SLC37A1: variants seen among roughly 807,000 people sequenced by gnomAD.
SLC37A1 encodes glucose-6-phosphate exchanger SLC37A1.
Under a neutral mutation model 75.3 loss-of-function variants are expected in SLC37A1, and 49 were observed. The ratio of observed to expected loss-of-function variants is 0.65; its 90% CI spans 0.52 to 0.83. The LOEUF is 0.83. Ranked by LOEUF, SLC37A1 falls within the 40% of genes least tolerant of loss-of-function variation. SLC37A1 has a pLI of 0.00. For synonymous variants in SLC37A1, 268 were observed against 292.1 expected (o/e 0.92, Z 0.84); for missense variants, 566 against 695.0 (o/e 0.81, Z 2.09).
intron 8 of SLC37A1, among the ~76,000 whole-genome samples, chr21:42,544,182 T>A (rs1319123872): frequency 6.6e-6 from 1 of 152,222 alleles, no homozygotes; most frequent in Non-Finnish European, 1.5e-5. Flanking sequence ...AGAATAGAGA[T>A]GCCCGGGTGG....
chr21:42,561,231 G>A (rs1220190421), intron 11 of SLC37A1, among the ~76,000 whole-genome samples: 3 of 152,230 alleles, frequency 2.0e-5, no homozygotes, highest in Non-Finnish European at 4.4e-5. Flanking sequence ...GGGGGATTCA[G>A]TGCCACAATG....
At chr21:42,559,134 C>T (rs1398925578) in intron 11 of SLC37A1, 45 bp downstream of exon 11, 2 of 1,585,118 alleles carry the variant, frequency 1.3e-6, no homozygotes, top group Non-Finnish European at 1.7e-6. Context: ...GGCTGCTGTG[C>T]TGGCTGTGGG....
At chr21:42,519,957 AGTGTGTTTGTGTGTGT>A (rs1006825510) in intron 2 of SLC37A1, among the ~76,000 whole-genome samples, 50 of 106,334 alleles carry the variant, frequency 4.7e-4, no homozygotes, top group African/African-American at 2.4e-3. Context: ...GCCCCTCCAC[AGTGTGTTTGTGTGTGT>A]GTGTGTGTGT....
chr21:42,562,858 G>A (rs144857282), intron 12 of SLC37A1, among the ~76,000 whole-genome samples: 83 of 152,258 alleles, frequency 5.5e-4, no homozygotes, highest in African/African-American at 1.7e-3. Flanking sequence ...GAAGACACAC[G>A]CTGGGCCGTC....
chr21:42,519,292 G>A (rs1167085697), intron 2 of SLC37A1, among the ~76,000 whole-genome samples: 4 of 152,228 alleles, frequency 2.6e-5, no homozygotes, highest in Non-Finnish European at 5.9e-5. Context: ...GGGAAGGGGA[G>A]TGAGAGAAAG....
chr21:42,540,398 A>G (rs1415578731), intron 6 of SLC37A1, among the ~76,000 whole-genome samples: 2 of 152,198 alleles, frequency 1.3e-5, no homozygotes, highest in Non-Finnish European at 2.9e-5. Flanking sequence ...GAAAACCTGC[A>G]GCTGGTTGGG....
chr21:42,528,579 A>G (rs1167086752), intron 3 of SLC37A1, among the ~76,000 whole-genome samples: 1 of 152,146 alleles, frequency 6.6e-6, no homozygotes, highest in Non-Finnish European at 1.5e-5. Flanking sequence ...TAATCCCAGC[A>G]CTTTGGGAGG....
chr21:42,519,902 C>T (rs1444446538), intron 2 of SLC37A1, among the ~76,000 whole-genome samples: 1 of 152,158 alleles, frequency 6.6e-6, no homozygotes. Flanking sequence ...TGTAGAACCG[C>T]TGTATGTCAA....
At chr21:42,524,202 G>A (rs1479571397) in intron 2 of SLC37A1, among the ~76,000 whole-genome samples, 1 of 152,202 alleles carries the variant, frequency 6.6e-6, no homozygotes, top group Non-Finnish European at 1.5e-5. Flanking sequence ...AGGTTCTCCA[G>A]GGTAGGGAGA....
chr21:42,512,057 T>C (rs1808461861), upstream of SLC37A1, among the ~76,000 whole-genome samples: 1 of 112,074 alleles, frequency 8.9e-6, no homozygotes, highest in African/African-American at 3.7e-5. Context: ...GAAGAATAGA[T>C]CTTAAATATT....
chr21:42,543,386 G>A (rs372359063), intron 7 of SLC37A1, 50 bp from the exon 8 acceptor site: 24 of 1,612,162 alleles, frequency 1.5e-5, no homozygotes, highest in East Asian at 6.7e-5. Flanking sequence ...TGCTGGACTC[G>A]TTTCAGCTTC....
At chr21:42,563,490 G>A (rs1393727154) in intron 12 of SLC37A1, among the ~76,000 whole-genome samples, 1 of 117,878 alleles carries the variant, frequency 8.5e-6, no homozygotes, top group Non-Finnish European at 1.9e-5. Context: ...GTGACAGGAT[G>A]ATCGAGCATC....
Position 42,569,225 on chromosome 21 carries a change from C to T in SLC37A1, c.1423+787C>T, listed in dbSNP as rs145668235. Among the ~76,000 whole-genome samples the T allele has an allele frequency of 3.4e-3, 511 of 152,308 alleles. 1 individual carries two copies. The highest frequency in any genetic ancestry group is 0.011 in the African/African-American group (475 of 41,564). On this transcript the variant is annotated intron_variant, in intron 17 of 19. Coordinates refer to ENST00000352133, the MANE Select transcript of SLC37A1 (RefSeq NM_001320537.2). ...TGAAGGTGGCTCGGTAGACCCAGGT[C>T]AGCCAGAACCTGGTGCTGGAGCCTT... is the stretch of plus-strand genomic sequence containing the variant.
intron 1 of SLC37A1, among the ~76,000 whole-genome samples, chr21:42,500,188 C>T (rs1046223696): frequency 1.3e-5 from 2 of 152,150 alleles, no homozygotes; most frequent in African/African-American, 4.8e-5. Flanking sequence ...AACTATAGAA[C>T]TATGAGGTTG....
At chr21:42,502,267 C>T (rs1164013480) in intron 1 of SLC37A1, 1 of 152,192 alleles carries the variant, frequency 6.6e-6, no homozygotes, top group African/African-American at 2.4e-5. Context: ...TCTTTGTCCA[C>T]ATCTCAAATT....
intron 3 of SLC37A1, chr21:42,526,170 G>T: frequency 4.4e-6 from 1 of 226,088 alleles, no homozygotes; most frequent in Admixed American, 5.3e-5. Context: ...AGTCTTAAGT[G>T]GTTCCCCAAA....
intron 18 of SLC37A1, among the ~76,000 whole-genome samples, chr21:42,577,934 A>C (rs189897029): frequency 2.6e-5 from 4 of 152,378 alleles, no homozygotes; most frequent in Non-Finnish European, 5.9e-5. Context: ...AAGCTGAAGC[A>C]CTTGGGAGAC....
chr21:42,576,590 A>C (rs756476911), intron 18 of SLC37A1, among the ~76,000 whole-genome samples: 5 of 152,238 alleles, frequency 3.3e-5, no homozygotes, highest in Non-Finnish European at 7.3e-5. Flanking sequence ...CTGCAGATAA[A>C]AGAGTTATGT....
chr21:42,575,239 C>T, intron 18 of SLC37A1: 2 of 984,256 alleles, frequency 2.0e-6, no homozygotes, highest in Non-Finnish European at 2.4e-6. Flanking sequence ...TCCACAGTTT[C>T]CACAGCTTTA....
Sources: gnomAD v4.1 joint callset for allele counts (sites outside exome capture counted in the v4.1 genomes callset) on GRCh38, gnomAD v4.1.1 for gene constraint, MANE v1.5 for transcripts, NCBI Gene and HGNC (gene_info 2026-07-23, HGNC 2026-07-21) for gene names.